APBA1: variants seen among roughly 807,000 people sequenced by gnomAD.
APBA1 encodes the protein amyloid beta precursor protein binding family A member 1.
A neutral mutation model predicts 86.6 loss-of-function variants in APBA1; 55 were observed. That is an observed-to-expected ratio of 0.64 (90% CI 0.51 to 0.80). The LOEUF (loss-of-function observed/expected upper bound fraction) is 0.80. Ranked by LOEUF, APBA1 falls within the 30% of genes least tolerant of loss-of-function variation. The pLI, the probability that APBA1 is intolerant of heterozygous loss-of-function variation, is 0.00. For synonymous variants in APBA1, 511 were observed against 493.9 expected (o/e 1.03, Z -0.46); for missense variants, 1,090 against 1,183.0 (o/e 0.92, Z 1.15).
At chr9:69,434,902 G>T (rs554002663) in intron 11 of APBA1, among the ~76,000 whole-genome samples, 1 of 150,394 alleles carries the variant, frequency 6.6e-6, no homozygotes, top group South Asian at 2.1e-4. Context: ...CCATTAACTC[G>T]TCATTTAGCA....
At chr9:69,483,063 T>A (rs1835545027) in intron 2 of APBA1, among the ~76,000 whole-genome samples, 1 of 147,390 alleles carries the variant, frequency 6.8e-6, no homozygotes, top group Admixed American at 6.9e-5. Context: ...GGCACATGTA[T>A]ACATATGTAA....
intron 1 of APBA1, among the ~76,000 whole-genome samples, chr9:69,610,461 T>C (rs1822564845): frequency 6.6e-6 from 1 of 152,208 alleles, no homozygotes. Flanking sequence ...AGAATTTACA[T>C]TTTGTCAGGT....
intron 1 of APBA1, among the ~76,000 whole-genome samples, chr9:69,523,026 T>G (rs1836278290): frequency 6.6e-6 from 1 of 152,178 alleles, no homozygotes. Flanking sequence ...CAGATGGCTT[T>G]CTGGTCTATG....
At chr9:69,517,401 A>C in intron 1 of APBA1, 122 bp from the exon 2 acceptor site, 1 of 1,035,208 alleles carries the variant, frequency 9.7e-7, no homozygotes, top group Non-Finnish European at 1.3e-6. Context: ...AATTAAAAAA[A>C]GACTGCAAAT....
intron 2 of APBA1, among the ~76,000 whole-genome samples, chr9:69,496,694 C>T (rs2133867292): frequency 6.6e-6 from 1 of 152,212 alleles, no homozygotes; most frequent in African/African-American, 2.4e-5. Flanking sequence ...GTATCTCTTC[C>T]TACTTTACAG....
At chr9:69,524,285 T>C (rs763975079) in intron 1 of APBA1, among the ~76,000 whole-genome samples, 13 of 152,098 alleles carry the variant, frequency 8.5e-5, no homozygotes, top group Non-Finnish European at 1.8e-4. Flanking sequence ...ATAGAATCAG[T>C]GAAGCCAAAA....
chr9:69,592,504 G>A (rs1256528801), intron 1 of APBA1, among the ~76,000 whole-genome samples: 1 of 152,206 alleles, frequency 6.6e-6, no homozygotes, highest in Non-Finnish European at 1.5e-5. Context: ...GCTGAGACGG[G>A]TGGATCCCTT....
At chr9:69,616,918 G>A (rs1822712546) in intron 1 of APBA1, among the ~76,000 whole-genome samples, 1 of 152,202 alleles carries the variant, frequency 6.6e-6, no homozygotes, top group Admixed American at 6.5e-5. Context: ...CTGACAAGTG[G>A]AGCTGGGGAA....
At chr9:69,482,475 G>C (rs867850640) in intron 2 of APBA1, among the ~76,000 whole-genome samples, 1 of 150,870 alleles carries the variant, frequency 6.6e-6, no homozygotes, top group African/African-American at 2.4e-5. Flanking sequence ...AGGAAACAAT[G>C]GGTGCTGGAG....
intron 5 of APBA1, chr9:69,460,626 A>T (rs1835175082): frequency 6.6e-6 from 1 of 151,808 alleles, no homozygotes; most frequent in African/African-American, 2.4e-5. Context: ...AAAAGGAAAT[A>T]GGTTCCACCA....
rs560278711 is a variant in APBA1 at position 69,484,451 on chromosome 9, G to T, written c.1201-8308C>A. Among the ~76,000 whole-genome samples the T allele has an allele frequency of 3.0e-3, 452 of 152,246 alleles. 8 individuals are homozygous for T. Among genetic ancestry groups the T allele is most frequent in the African/African-American group, 0.01 (429 of 41,566 alleles). ...CAACCTCATCAGGGACCACTTCCCT[G>T]CAGACCCCGGGTGCTCTTGCCTTTG... On this transcript the variant is annotated intron_variant, in intron 2 of 12. Transcript: ENST00000265381.
intron 1 of APBA1, among the ~76,000 whole-genome samples, chr9:69,580,725 C>T (rs1232923270): frequency 6.6e-6 from 1 of 152,124 alleles, no homozygotes; most frequent in Non-Finnish European, 1.5e-5. Context: ...CTCCACTGAA[C>T]GGTGTTCCAC....
In APBA1 at chr9:69,521,040, G is replaced by A. The variant is rs1435689991; in HGVS notation, c.-69-3761C>T. ...CTAACTATGTCCCAGGTACTACTAG[G>A]CATTTTCCACGTGACACATTTAACC... On this transcript the variant is annotated intron_variant, in intron 1 of 12. Transcript: ENST00000265381. 2.0e-5 allele frequency among the ~76,000 whole-genome samples: 3 copies of A among 152,138 alleles called. 1 individual carries two copies. Among genetic ancestry groups the A allele is most frequent in the African/African-American group, 7.2e-5 (3 of 41,422 alleles).
rs1186790418 is a variant in APBA1 at position 69,428,418 on chromosome 9, A to C, written c.*2909T>G. 6.6e-6 allele frequency: 1 copy of C among 152,236 alleles called. No individual in the cohort carries two copies. The highest frequency in any genetic ancestry group is 1.5e-5 in the Non-Finnish European group (1 of 68,132). The allele number at this position is 152,236 out of a possible 1,614,324, so 9.4% of individuals were successfully genotyped here. ...CTTTGGGGGTTTCTTCCTCTCATGA[A>C]CCCAAGGCTGATGGTGGCTCCCTGA... On this transcript the variant is annotated 3_prime_UTR_variant, in exon 13 of 13. Transcript: ENST00000265381.
intron 2 of APBA1, among the ~76,000 whole-genome samples, chr9:69,484,726 T>C (rs1835578887): frequency 6.6e-6 from 1 of 152,078 alleles, no homozygotes; most frequent in Non-Finnish European, 1.5e-5. Context: ...GGACCTTGTC[T>C]TGTTCATGTT....
chr9:69,500,299 C>T (rs1835861984), intron 2 of APBA1, among the ~76,000 whole-genome samples: 1 of 152,124 alleles, frequency 6.6e-6, no homozygotes, highest in Non-Finnish European at 1.5e-5. Context: ...TGAGCTTTGA[C>T]TTCCAAATGT....
Position 69,476,133 on chromosome 9 carries a change from G to A in APBA1, c.1211C>T (p.Pro404Leu), listed in dbSNP as rs1835441250. 1.2e-6 allele frequency: 2 copies of A among 1,613,062 alleles called. No individual in the cohort carries two copies. The highest frequency in any genetic ancestry group is 1.7e-6 in the Non-Finnish European group (2 of 1,179,312). Residue 404 changes from proline (P) to leucine (L), a missense_variant, in exon 3 of 13, where the codon CCT (proline) becomes CTT (leucine). Coordinates refer to ENST00000265381, the MANE Select transcript of APBA1 (RefSeq NM_001163.4). ...TGCACCCAAGGGGGAGGAGCTGCCA[G>A]GAGACGGAGACTAGAACACAGCAAG... ...QRPMDGDSPS[P>L]GSSSPLGAES... is the part of the protein sequence containing the mutation.
intron 4 of APBA1, among the ~76,000 whole-genome samples, chr9:69,469,874 T>C (rs1231480792): frequency 6.6e-6 from 1 of 152,232 alleles, no homozygotes; most frequent in Non-Finnish European, 1.5e-5. Flanking sequence ...ATCTGGGATA[T>C]GAACTTTTAA....
At chr9:69,666,619 A>C (rs1402694375) in intron 1 of APBA1, among the ~76,000 whole-genome samples, 1 of 152,182 alleles carries the variant, frequency 6.6e-6, no homozygotes, top group Non-Finnish European at 1.5e-5. Context: ...GAATGAATAA[A>C]TTTCATCATT....
Sources: allele counts gnomAD v4.1 joint callset (sites outside exome capture counted in the v4.1 genomes callset), GRCh38; gene constraint gnomAD v4.1.1; transcripts MANE v1.5; gene names NCBI Gene and HGNC (gene_info 2026-07-23, HGNC 2026-07-21).